DPCD: variants seen among roughly 807,000 people sequenced by gnomAD.
DPCD encodes the protein deleted in primary ciliary dyskinesia homolog (mouse).
A neutral mutation model predicts 26.4 loss-of-function variants in DPCD; 20 were observed. The observed-to-expected ratio is 0.76, with a 90% CI of 0.53 to 1.10. DPCD has a LOEUF of 1.10. Among genes scored for constraint, DPCD ranks in the 50% least tolerant of loss-of-function variants. The pLI, the probability that DPCD is intolerant of heterozygous loss-of-function variation, is 0.00. For synonymous variants in DPCD, 97 were observed against 94.2 expected (o/e 1.03, Z -0.17); for missense variants, 202 against 253.9 (o/e 0.80, Z 1.39).
intron 4 of DPCD, among the ~76,000 whole-genome samples, chr10:101,606,615 C>T (rs1242836541): frequency 6.6e-6 from 1 of 152,204 alleles, no homozygotes; most frequent in Non-Finnish European, 1.5e-5. Flanking sequence ...CCAGGCCCGC[C>T]CTCTTCTTCA....
Position 101,609,619 on chromosome 10 carries a change from T to C in DPCD, c.*148T>C, listed in dbSNP as rs1191364754. On this transcript the variant is annotated 3_prime_UTR_variant, in exon 6 of 6. Transcript: ENST00000370151. Reference sequence around the variant, plus strand: ...TGGGGCACTCCTAGCCAGTGAGTCATGGTCATATTTCCTGAGTAAAGTCAT... The same window carrying C: ...TGGGGCACTCCTAGCCAGTGAGTCACGGTCATATTTCCTGAGTAAAGTCAT... 2 of 642,808 alleles carry C rather than the reference T, an allele frequency of 3.1e-6. No individual in the cohort carries two copies. The highest frequency in any genetic ancestry group is 5.4e-6 in the Non-Finnish European group (2 of 370,042). 39.8% of individuals were successfully genotyped at this position (642,808 alleles called of 1,614,324 possible).
At chr10:101,592,790 C>T (rs1044649100) in intron 1 of DPCD, among the ~76,000 whole-genome samples, 2 of 151,886 alleles carry the variant, frequency 1.3e-5, no homozygotes, top group African/African-American at 4.8e-5. Flanking sequence ...CTGAGATGGG[C>T]AGATCACGAG....
At position 101,601,229 on chromosome 10, in the gene DPCD, G is replaced by T; in HGVS notation, c.297G>T (p.Lys99Asn). ...CTATCTTCATGCGCAAGGACACCAA[G>T]ATGAGTTTCCAGTGGCGGATTCGAA... ...ANPIFMRKDT[K>N]MSFQWRIRNL... Residue 99 changes from lysine to asparagine, a missense_variant, in exon 4 of 6, where the codon AAG (lysine) becomes AAT (asparagine). Transcript: ENST00000370151. 1.2e-6 allele frequency: 2 copies of T among 1,613,836 alleles called. No homozygotes were observed. Among genetic ancestry groups the T allele is most frequent in the East Asian group, 2.2e-5 (1 of 44,786 alleles).
intron 2 of DPCD, among the ~76,000 whole-genome samples, chr10:101,598,044 G>A (rs2063666482): frequency 6.6e-6 from 1 of 152,224 alleles, no homozygotes. Flanking sequence ...GGTTTTTAAG[G>A]TCAGAAGTAA....
chr10:101,591,984 C>T (rs1197645638), intron 1 of DPCD, among the ~76,000 whole-genome samples: 1 of 152,048 alleles, frequency 6.6e-6, no homozygotes, highest in Non-Finnish European at 1.5e-5. Flanking sequence ...CCTCGCCCAG[C>T]CCATAATTTA....
At chr10:101,608,777 C>A in intron 4 of DPCD, 58 bp from the exon 5 acceptor site, 1 of 1,182,374 alleles carries the variant, frequency 8.5e-7, no homozygotes, top group Non-Finnish European at 1.3e-6. Context: ...GAGGGCCTGA[C>A]GCCTGGCTGT....
intron 5 of DPCD, chr10:101,609,164 C>T (rs1050464691): frequency 6.5e-5 from 42 of 643,190 alleles, no homozygotes; most frequent in African/African-American, 3.8e-4. Context: ...GAAAGGGAAG[C>T]GGTGGAAATT....
chr10:101,596,910 A>G (rs2063655801), intron 2 of DPCD, among the ~76,000 whole-genome samples: 1 of 152,260 alleles, frequency 6.6e-6, no homozygotes, highest in South Asian at 2.1e-4. Flanking sequence ...AAAGTAATTT[A>G]CAGAGGAAGA....
intron 2 of DPCD, among the ~76,000 whole-genome samples, chr10:101,598,201 T>A (rs776279114): frequency 1.3e-5 from 2 of 152,250 alleles, no homozygotes; most frequent in South Asian, 4.2e-4. Context: ...TTATTATGCA[T>A]TAGGACACCC....
intron 2 of DPCD, among the ~76,000 whole-genome samples, chr10:101,595,835 C>T (rs1288243738): frequency 6.6e-6 from 1 of 152,164 alleles, no homozygotes; most frequent in East Asian, 1.9e-4. Context: ...GTAGTAATAT[C>T]CTCACAATGC....
intron 1 of DPCD, among the ~76,000 whole-genome samples, chr10:101,589,782 G>T (rs916645999): frequency 1.3e-5 from 2 of 152,214 alleles, no homozygotes; most frequent in Non-Finnish European, 2.9e-5. Flanking sequence ...TACTCTGGAG[G>T]CTGAGGCAGG....
intron 4 of DPCD, among the ~76,000 whole-genome samples, chr10:101,607,572 A>T (rs1017633438): frequency 1.3e-5 from 2 of 152,136 alleles, no homozygotes; most frequent in African/African-American, 4.8e-5. Flanking sequence ...GGATTTGGGC[A>T]GGGAGGACGG....
intron 1 of DPCD, among the ~76,000 whole-genome samples, chr10:101,590,912 G>C (rs1477724362): frequency 6.6e-6 from 1 of 152,198 alleles, no homozygotes; most frequent in Non-Finnish European, 1.5e-5. Flanking sequence ...TTCACTTAGT[G>C]TAACGCTTCA....
At position 101,600,924 on chromosome 10, in the gene DPCD, G is replaced by A; in HGVS notation, c.270+62G>A. Reference sequence around the variant, plus strand: ...GGTGGGGGTGGGCTGTGGGCTGCTGGCTCTTGAGGGCAGGGACCATGTCTT... The same window carrying A: ...GGTGGGGGTGGGCTGTGGGCTGCTGACTCTTGAGGGCAGGGACCATGTCTT... On this transcript the variant is annotated intron_variant, in intron 3 of 5. Transcript: ENST00000370151. This position sits in a 1 kb window ranked among gnomAD's most constrained non-coding sequence, Gnocchi z 4.7. The A allele has an allele frequency of 6.2e-7, 1 of 1,608,492 alleles. No homozygotes were observed. Among genetic ancestry groups the A allele is most frequent in the South Asian group, 1.1e-5 (1 of 90,410 alleles).
chr10:101,602,326 CA>C (rs952558319), intron 4 of DPCD, among the ~76,000 whole-genome samples: 1 of 152,216 alleles, frequency 6.6e-6, no homozygotes, highest in African/African-American at 2.4e-5. Context: ...CCATCTCCCT[CA>C]GGCTCACGAG....
chr10:101,588,677 T>C, intron 1 of DPCD: 1 of 1,238,818 alleles, frequency 8.1e-7, no homozygotes. Context: ...TCTCATTTGC[T>C]CCTCACCACT....
chr10:101,594,807 C>T, intron 2 of DPCD, 69 bp downstream of exon 2: 1 of 1,452,680 alleles, frequency 6.9e-7, no homozygotes. Context: ...ATGAACACTC[C>T]TAGCCTTAGG....
At chr10:101,599,307 A>G (rs2063675429) in intron 2 of DPCD, among the ~76,000 whole-genome samples, 1 of 152,184 alleles carries the variant, frequency 6.6e-6, no homozygotes, top group African/African-American at 2.4e-5. Context: ...CAGTGAAGTG[A>G]GGTATTAACA....
Position 101,600,091 on chromosome 10 carries a change from T to G in DPCD, c.146-647T>G, listed in dbSNP as rs900412446. 1.3e-5 allele frequency among the ~76,000 whole-genome samples: 2 copies of G among 152,232 alleles called. No individual in the cohort carries two copies. The highest frequency in any genetic ancestry group is 2.9e-5 in the Non-Finnish European group (2 of 68,044). ...ATGGTTATTTGCATTCTAGAAGGAT[T>G]CCCTTTTACAAAAAATTCACATTAG... On this transcript the variant is annotated intron_variant, in intron 2 of 5. Coordinates refer to ENST00000370151, the MANE Select transcript of DPCD (RefSeq NM_015448.3). The surrounding 1 kb of genome is among the most constrained non-coding windows in gnomAD (Gnocchi z 4.7).
Sources: gnomAD v4.1 joint callset for allele counts (sites outside exome capture counted in the v4.1 genomes callset) on GRCh38, gnomAD v4.1.1 for gene constraint, Gnocchi (gnomAD v3.1) non-coding constraint, MANE v1.5 for transcripts, NCBI Gene and HGNC (gene_info 2026-07-23, HGNC 2026-07-21) for gene names.